CLVS1: variants seen among roughly 807,000 people sequenced by gnomAD.
The protein encoded by CLVS1 is clavesin 1.
In CLVS1, 10 loss-of-function variants were observed where a neutral mutation model predicts 33.1. That is an observed-to-expected ratio of 0.30 (90% CI 0.19 to 0.51). The LOEUF is 0.51. Ranked by LOEUF, CLVS1 falls within the 20% of genes least tolerant of loss-of-function variation. The pLI is 0.97. For missense variants in CLVS1, 343 were observed against 433.4 expected (o/e 0.79, Z 1.85); for synonymous variants, 163 against 166.1 (o/e 0.98, Z 0.14).
intron 1 of CLVS1, among the ~76,000 whole-genome samples, chr8:61,090,541 G>A (rs77272137): frequency 4.0e-4 from 61 of 151,982 alleles, no homozygotes; most frequent in African/African-American, 1.4e-3. Flanking sequence ...AAAAAAAAGC[G>A]TGATTCCAAG....
the CLVS1 span, among the ~76,000 whole-genome samples, chr8:61,035,515 G>A: frequency 4.6e-5 from 7 of 152,244 alleles, no homozygotes; most frequent in Non-Finnish European, 1.0e-4. Context: ...GGCCGGCCCC[G>A]GGCGTCTGAC....
At chr8:61,194,829 C>A (rs947570650) in intron 2 of CLVS1, among the ~76,000 whole-genome samples, 1 of 151,520 alleles carries the variant, frequency 6.6e-6, no homozygotes, top group Non-Finnish European at 1.5e-5. Flanking sequence ...CATGCTAAAA[C>A]AAAAATTTAT....
At chr8:61,318,558 C>A (rs898307799) in intron 2 of CLVS1, among the ~76,000 whole-genome samples, 2 of 152,140 alleles carry the variant, frequency 1.3e-5, no homozygotes, top group African/African-American at 2.4e-5. Flanking sequence ...TTATTGCCTC[C>A]CTTTTATTAT....
rs139564745 is a variant in CLVS1, at chr8:61,416,050, A to G, written c.631-38091A>G. Among the ~76,000 whole-genome samples, 50 of 152,306 alleles carry G rather than the reference A, an allele frequency of 3.3e-4. No individual in the cohort carries two copies. The East Asian group carries it at 8.3e-3, about 25-fold the overall frequency. ...TGGGCTGACTGGGGGTTCCCAGACA[A>G]CACTTGGACTAGAGCTAAGAGGAAT... On this transcript the variant is annotated intron_variant, in intron 3 of 5. Transcript: ENST00000325897.
chr8:61,071,808 CAAGTTG>C (rs1251875106), intron 1 of CLVS1, among the ~76,000 whole-genome samples: 2 of 152,192 alleles, frequency 1.3e-5, no homozygotes, highest in Non-Finnish European at 2.9e-5. Flanking sequence ...AATGCACATA[CAAGTTG>C]ACTTTGAAAG....
At chr8:61,056,589 A>G (rs1411343217), upstream of CLVS1, among the ~76,000 whole-genome samples, 2 of 151,854 alleles carry the variant, frequency 1.3e-5, no homozygotes, top group African/African-American at 2.4e-5. Flanking sequence ...CTCATAATTC[A>G]GGACATTAGA....
At chr8:61,197,947 T>G (rs1413592479) in intron 2 of CLVS1, among the ~76,000 whole-genome samples, 1 of 152,230 alleles carries the variant, frequency 6.6e-6, no homozygotes, top group African/African-American at 2.4e-5. Flanking sequence ...TTGCTGGGGA[T>G]AGGGGAGGGG....
At chr8:61,351,255 T>C (rs1346301374) in intron 2 of CLVS1, among the ~76,000 whole-genome samples, 1 of 152,130 alleles carries the variant, frequency 6.6e-6, no homozygotes, top group Non-Finnish European at 1.5e-5. Context: ...GTGGAAATTA[T>C]GGAACTGAAA....
chr8:61,056,926 G>T (rs1040473735), upstream of CLVS1, among the ~76,000 whole-genome samples: 5 of 152,124 alleles, frequency 3.3e-5, no homozygotes, highest in African/African-American at 4.8e-5. Context: ...AAGGTAAAGC[G>T]CCAGGGCCTT....
At chr8:61,053,158 C>T (rs1355480771), upstream of CLVS1, among the ~76,000 whole-genome samples, 1 of 152,158 alleles carries the variant, frequency 6.6e-6, no homozygotes, top group African/African-American at 2.4e-5. Flanking sequence ...TCATTTCAGA[C>T]ACCTGTAGGT....
chr8:61,425,431 T>TA (rs35416536), intron 3 of CLVS1, among the ~76,000 whole-genome samples: 24 of 151,934 alleles, frequency 1.6e-4, no homozygotes, highest in Admixed American at 3.3e-4. Context: ...GTGATTTTTT[T>TA]AAAAAAAATA....
At chr8:61,188,594 AG>A (rs1340487060) in intron 2 of CLVS1, among the ~76,000 whole-genome samples, 2 of 152,156 alleles carry the variant, frequency 1.3e-5, no homozygotes, top group Non-Finnish European at 2.9e-5. Flanking sequence ...TAATGTTAAA[AG>A]GGATATCAAT....
intron 3 of CLVS1, among the ~76,000 whole-genome samples, chr8:61,395,835 T>C (rs1814503575): frequency 6.6e-6 from 1 of 152,174 alleles, no homozygotes; most frequent in South Asian, 2.1e-4. Flanking sequence ...AGCTAGTTAG[T>C]GACACAACTA....
chr8:61,055,097 C>A (rs1278254627), upstream of CLVS1, among the ~76,000 whole-genome samples: 3 of 152,106 alleles, frequency 2.0e-5, no homozygotes, highest in African/African-American at 4.8e-5. Context: ...AGAAATGATA[C>A]CAACTCAAAA....
chr8:61,484,322 A>G (rs1803788306), intron 5 of CLVS1, among the ~76,000 whole-genome samples: 1 of 152,234 alleles, frequency 6.6e-6, no homozygotes, highest in South Asian at 2.1e-4. Context: ...GAGCCAAATC[A>G]TGAGTGAACT....
intron 2 of CLVS1, among the ~76,000 whole-genome samples, chr8:61,331,805 C>CTTCTCCTCCTCCTCCTCCTCT (rs1811605370): frequency 7.1e-6 from 1 of 141,224 alleles, no homozygotes; most frequent in East Asian, 2.1e-4. Context: ...TCTTCTTCTT[C>CTTCTCCTCCTCCTCCTCCTCT]TCCTCCTCCT....
rs566945129 is a variant in CLVS1 at position 61,331,000 on chromosome 8, T to G, written c.455+30718T>G. Among the ~76,000 whole-genome samples the G allele has an allele frequency of 5.1e-4, 78 of 152,070 alleles. 1 individual carries two copies. Among genetic ancestry groups the G allele is most frequent in the Admixed American group, 3.1e-3 (48 of 15,282 alleles). On this transcript the variant is annotated intron_variant, in intron 2 of 5. Transcript: ENST00000325897. ...AAGAGGTTGAAGTGGGAGGATCACT[T>G]GGGCCCAGGAGTTAGAGGCTGCAGT...
At chr8:61,393,354 G>T (rs930687601) in intron 3 of CLVS1, among the ~76,000 whole-genome samples, 6 of 151,518 alleles carry the variant, frequency 4.0e-5, no homozygotes, top group African/African-American at 1.5e-4. Flanking sequence ...CCTTTCTCTG[G>T]TACCTTCTTG....
chr8:61,109,764 G>A (rs1006272968), intron 1 of CLVS1, among the ~76,000 whole-genome samples: 1 of 152,080 alleles, frequency 6.6e-6, no homozygotes, highest in Admixed American at 6.5e-5. Context: ...AGGGATTAAT[G>A]GTTTATCATG....
Sources: allele counts gnomAD v4.1 joint callset (sites outside exome capture counted in the v4.1 genomes callset), GRCh38; gene constraint gnomAD v4.1.1; transcripts MANE v1.5; gene names NCBI Gene and HGNC (gene_info 2026-07-23, HGNC 2026-07-21).